Variants in FUT9 observed in about 807,000 individuals in gnomAD.
The protein encoded by FUT9 is fucosyltransferase 9.
Under a neutral mutation model 29.7 loss-of-function variants are expected in FUT9, and 15 were observed. The observed-to-expected ratio is 0.51, with a 90% confidence interval of 0.34 to 0.78. The LOEUF (loss-of-function observed/expected upper bound fraction) is 0.78. FUT9 is among the 30% of genes least tolerant of loss of function. The probability of loss-of-function intolerance (pLI) is 0.01; values close to 1 mark genes in which losing one functional copy is unlikely to be tolerated. For synonymous variants in FUT9, 169 were observed against 153.7 expected, an observed-to-expected ratio of 1.10 and a Z score of -0.74; for missense variants, 319 against 425.4, an observed-to-expected ratio of 0.75 and a Z score of 2.20.
At chr6:96,034,455 A>C (rs554038110) in intron 1 of FUT9, among the ~76,000 whole-genome samples, 2 of 151,860 alleles carry the variant, frequency 1.3e-5, no homozygotes, top group South Asian at 4.1e-4. Flanking sequence ...GCAATACCAA[A>C]ATGGACCATA....
intron 1 of FUT9, among the ~76,000 whole-genome samples, chr6:96,106,915 A>T (rs763810507): frequency 6.6e-6 from 1 of 152,226 alleles, no homozygotes; most frequent in Admixed American, 6.5e-5. Flanking sequence ...AAAAAAATTC[A>T]TTTTGGTTTA....
rs187985628 is a variant in FUT9, at chr6:96,189,435, C to G, written c.-8-13713C>G. ...CTAAAACAGAATGGTAATATGTGAT[C>G]TGTGGTTTGAAACATCACGCTATTG... On this transcript the variant is annotated intron_variant, in intron 2 of 2. Transcript: ENST00000302103. 1.1e-4 allele frequency among the ~76,000 whole-genome samples: 17 copies of G among 152,134 alleles called. No homozygotes were observed. In the East Asian group the frequency reaches 3.3e-3, roughly 29 times the overall value.
At chr6:96,091,924 G>A (rs2127954089) in intron 1 of FUT9, among the ~76,000 whole-genome samples, 1 of 152,202 alleles carries the variant, frequency 6.6e-6, no homozygotes, top group East Asian at 1.9e-4. Flanking sequence ...ATTTTATAAT[G>A]TGAGCATAAT....
At chr6:96,088,329 G>C (rs996053338) in intron 1 of FUT9, among the ~76,000 whole-genome samples, 2 of 152,052 alleles carry the variant, frequency 1.3e-5, no homozygotes, top group South Asian at 2.1e-4. Context: ...CTGTGGTATA[G>C]TTTCCTAATG....
At chr6:96,108,515 A>G (rs1295220312) in intron 1 of FUT9, among the ~76,000 whole-genome samples, 1 of 151,930 alleles carries the variant, frequency 6.6e-6, no homozygotes, top group Non-Finnish European at 1.5e-5. Context: ...TATAGTGAAC[A>G]CTCTTTTATC....
At chr6:96,195,524 T>C (rs1237063488) in intron 2 of FUT9, among the ~76,000 whole-genome samples, 2 of 152,194 alleles carry the variant, frequency 1.3e-5, no homozygotes, top group African/African-American at 4.8e-5. Context: ...TGGCTCAGAA[T>C]TTAATGGAGA....
At chr6:96,167,233 C>T (rs1582280258) in intron 2 of FUT9, among the ~76,000 whole-genome samples, 2 of 152,118 alleles carry the variant, frequency 1.3e-5, no homozygotes, top group Non-Finnish European at 1.5e-5. Context: ...TAATAAGCAA[C>T]TATGTATCTT....
intron 1 of FUT9, among the ~76,000 whole-genome samples, chr6:96,058,879 GTACAAAAATTGCCTAAC>G (rs1271436238): frequency 5.9e-5 from 9 of 152,110 alleles, no homozygotes; most frequent in Admixed American, 5.2e-4. Context: ...AAGAAACAAG[GTACAAAAATTGCCTAAC>G]TACAAAAATT....
At chr6:96,192,962 C>T (rs1773542673) in intron 2 of FUT9, among the ~76,000 whole-genome samples, 1 of 151,904 alleles carries the variant, frequency 6.6e-6, no homozygotes, top group South Asian at 2.1e-4. Flanking sequence ...AAAGGATTCC[C>T]TATTTAATAA....
intron 2 of FUT9, among the ~76,000 whole-genome samples, chr6:96,139,275 T>A (rs1256272739): frequency 6.6e-6 from 1 of 152,140 alleles, no homozygotes; most frequent in Non-Finnish European, 1.5e-5. Context: ...CTCCTTTGAC[T>A]CCATGTCTCA....
chr6:96,134,843 AT>A (rs1392032713), intron 2 of FUT9, among the ~76,000 whole-genome samples: 14 of 151,794 alleles, frequency 9.2e-5, no homozygotes, highest in African/African-American at 2.4e-4. Flanking sequence ...GAATATTTTA[AT>A]TTTTTATTAG....
At chr6:96,140,402 C>T (rs748927135) in intron 2 of FUT9, among the ~76,000 whole-genome samples, 145 of 152,286 alleles carry the variant, frequency 9.5e-4, no homozygotes, top group Non-Finnish European at 5.3e-4. Flanking sequence ...CCAAACTATT[C>T]CAACCTCTGC....
chr6:96,112,147 T>C (rs577795515), intron 1 of FUT9, among the ~76,000 whole-genome samples: 1 of 152,328 alleles, frequency 6.6e-6, no homozygotes. Flanking sequence ...GGAGACACTT[T>C]GAAGTCAGGT....
chr6:96,160,840 T>G (rs188030227), intron 2 of FUT9, among the ~76,000 whole-genome samples: 24 of 152,342 alleles, frequency 1.6e-4, no homozygotes, highest in Non-Finnish European at 2.9e-5. Context: ...TATTTCTTAT[T>G]ATGTACTTAA....
chr6:96,049,595 GT>G (rs988446315), intron 1 of FUT9, among the ~76,000 whole-genome samples: 3 of 152,142 alleles, frequency 2.0e-5, no homozygotes, highest in African/African-American at 7.2e-5. Context: ...TCATCCATTT[GT>G]ATTAGCATGA....
At chr6:96,187,591 C>T (rs4133133) in intron 2 of FUT9, among the ~76,000 whole-genome samples, 5,998 of 152,088 alleles carry the variant, frequency 0.039, 204 homozygotes, top group South Asian at 0.13. Flanking sequence ...GTAAGATCAA[C>T]GAAGGATCAA....
At chr6:96,109,262 G>A (rs1204474135) in intron 1 of FUT9, among the ~76,000 whole-genome samples, 2 of 152,118 alleles carry the variant, frequency 1.3e-5, no homozygotes, top group African/African-American at 2.4e-5. Context: ...ACCATTCAGA[G>A]TTCTCTGAAG....
At chr6:96,058,662 G>C (rs572207428) in intron 1 of FUT9, among the ~76,000 whole-genome samples, 1 of 152,036 alleles carries the variant, frequency 6.6e-6, no homozygotes, top group Non-Finnish European at 1.5e-5. Context: ...TTAACGCAGC[G>C]GGACCTAGCA....
At chr6:96,100,617 G>A (rs1324923412) in intron 1 of FUT9, among the ~76,000 whole-genome samples, 2 of 152,158 alleles carry the variant, frequency 1.3e-5, no homozygotes, top group Admixed American at 1.3e-4. Flanking sequence ...GGGAAATGGA[G>A]AACAGAGCTG....
Sources: allele counts gnomAD v4.1 joint callset (sites outside exome capture counted in the v4.1 genomes callset), GRCh38; gene constraint gnomAD v4.1.1; transcripts MANE v1.5; gene names NCBI Gene and HGNC (gene_info 2026-07-23, HGNC 2026-07-21).